Variants in ANKRD13C observed in about 807,000 individuals in gnomAD.
ANKRD13C encodes the protein ankyrin repeat domain-containing protein 13C.
ANKRD13C carries 16 observed loss-of-function variants against 65.5 expected under a neutral mutation model. That is an observed-to-expected ratio of 0.24 (90% confidence interval 0.17 to 0.37). The LOEUF is 0.37. ANKRD13C is among the 10% of genes least tolerant of loss of function. ANKRD13C has a pLI of 1.00. For missense variants in ANKRD13C, 503 were observed against 655.9 expected, an observed-to-expected ratio of 0.77 and a Z score of 2.55; for synonymous variants, 235 against 238.7, an observed-to-expected ratio of 0.98 and a Z score of 0.14.
chr1:70,330,574 C>CAAAAAAAAAAAAAAAAAAAAA (rs71071394), intron 2 of ANKRD13C, among the ~76,000 whole-genome samples: 21 of 68,368 alleles, frequency 3.1e-4, no homozygotes, highest in Admixed American at 1.1e-3. Flanking sequence ...ACAAACAAAC[C>CAAAAAAAAAAAAAAAAAAAAA]AAAAAAAAAA....
At chr1:70,313,527 C>CAA (rs375377368) in intron 5 of ANKRD13C, among the ~76,000 whole-genome samples, 11 of 69,096 alleles carry the variant, frequency 1.6e-4, no homozygotes, top group Admixed American at 4.4e-4. Context: ...GAACTTGTCT[C>CAA]AAAAAAAAAA....
At chr1:70,267,022 G>C (rs1678658213) in intron 12 of ANKRD13C, among the ~76,000 whole-genome samples, 1 of 152,170 alleles carries the variant, frequency 6.6e-6, no homozygotes, top group South Asian at 2.1e-4. Flanking sequence ...GTTGAGAGAA[G>C]GGTGTTGAGT....
At chr1:70,346,279 T>G (rs1682523067) in intron 1 of ANKRD13C, among the ~76,000 whole-genome samples, 1 of 152,164 alleles carries the variant, frequency 6.6e-6, no homozygotes, top group African/African-American at 2.4e-5. Flanking sequence ...TTTTACAGTT[T>G]CATCAAAAAC....
chr1:70,316,739 C>CA (rs1306895441), intron 3 of ANKRD13C, among the ~76,000 whole-genome samples: 1 of 151,692 alleles, frequency 6.6e-6, no homozygotes, highest in African/African-American at 2.4e-5. Context: ...AATTCACTGG[C>CA]AAAATCAATC....
At chr1:70,301,400 T>C (rs920391670) in intron 6 of ANKRD13C, among the ~76,000 whole-genome samples, 1 of 152,172 alleles carries the variant, frequency 6.6e-6, no homozygotes, top group Non-Finnish European at 1.5e-5. Flanking sequence ...TAAGACCAGG[T>C]TGCTAGCTCA....
chr1:70,348,401 G>A (rs1325968568), intron 1 of ANKRD13C, among the ~76,000 whole-genome samples: 1 of 152,062 alleles, frequency 6.6e-6, no homozygotes, highest in African/African-American at 2.4e-5. Flanking sequence ...GAGTAGCTAG[G>A]ATTACAGGTG....
intron 12 of ANKRD13C, among the ~76,000 whole-genome samples, chr1:70,264,508 T>G (rs1337580257): frequency 2.1e-5 from 3 of 142,018 alleles, no homozygotes; most frequent in African/African-American, 7.8e-5. Context: ...AAAAATTACA[T>G]GAAAGTCAAA....
intron 11 of ANKRD13C, among the ~76,000 whole-genome samples, chr1:70,271,713 A>G (rs911670486): frequency 6.6e-5 from 10 of 152,322 alleles, no homozygotes; most frequent in African/African-American, 2.2e-4. Flanking sequence ...TAGTTTGATC[A>G]GGATAATTTT....
chr1:70,340,420 G>A (rs1037565455), intron 1 of ANKRD13C, among the ~76,000 whole-genome samples: 3 of 151,968 alleles, frequency 2.0e-5, no homozygotes, highest in Admixed American at 6.6e-5. Flanking sequence ...AATTTCAATC[G>A]TCTGAAATGT....
chr1:70,341,785 A>T (rs573966446), intron 1 of ANKRD13C, among the ~76,000 whole-genome samples: 2 of 152,112 alleles, frequency 1.3e-5, no homozygotes, highest in East Asian at 3.9e-4. Context: ...GAAGGTATAC[A>T]TATTTTATTT....
chr1:70,315,473 T>C lies in ANKRD13C; in HGVS notation c.663+8A>G, dbSNP rs780841696. ...AAGGTGCAAAATTAACAAAGAAATA[T>C]AGCTTACCTCTTTCAGGGCTTTTAA... On this transcript the variant is annotated splice_region_variant and intron_variant, in intron 4 of 12. Coordinates refer to ENST00000370944, the MANE Select transcript of ANKRD13C (RefSeq NM_030816.5). 58 of 1,591,210 alleles carry C rather than the reference T, an allele frequency of 3.6e-5. No homozygotes were observed. In the South Asian group the frequency reaches 6.5e-4, roughly 18 times the overall value.
chr1:70,316,134 C>T (rs1169821075), intron 3 of ANKRD13C, among the ~76,000 whole-genome samples: 2 of 152,136 alleles, frequency 1.3e-5, no homozygotes, highest in Non-Finnish European at 2.9e-5. Flanking sequence ...TGTTCTTTTA[C>T]CACTGGAGGA....
chr1:70,323,382 T>G (rs1253564240), intron 3 of ANKRD13C, among the ~76,000 whole-genome samples: 2 of 152,130 alleles, frequency 1.3e-5, no homozygotes, highest in East Asian at 1.9e-4. Context: ...CGGTGGCTCA[T>G]GCCTGTAATC....
At chr1:70,337,026 C>T (rs930856008) in intron 1 of ANKRD13C, among the ~76,000 whole-genome samples, 5 of 152,068 alleles carry the variant, frequency 3.3e-5, no homozygotes, top group Admixed American at 6.6e-5. Context: ...AAAGTCATCA[C>T]ATTAACAATT....
chr1:70,271,373 C>T (rs746895160), intron 11 of ANKRD13C, among the ~76,000 whole-genome samples: 4 of 152,174 alleles, frequency 2.6e-5, no homozygotes, highest in Non-Finnish European at 5.9e-5. Context: ...GTCTTTCCTT[C>T]TGAACTACAA....
At chr1:70,313,503 C>G (rs891075627) in intron 5 of ANKRD13C, among the ~76,000 whole-genome samples, 10 of 148,422 alleles carry the variant, frequency 6.7e-5, no homozygotes, top group African/African-American at 2.5e-4. Context: ...GCACTCCAGC[C>G]TGGGCAACAG....
intron 9 of ANKRD13C, among the ~76,000 whole-genome samples, chr1:70,291,222 T>C (rs1679853533): frequency 6.6e-6 from 1 of 151,948 alleles, no homozygotes; most frequent in Admixed American, 6.6e-5. Flanking sequence ...GATTTCACCA[T>C]GTTGGCCAAG....
intron 2 of ANKRD13C, among the ~76,000 whole-genome samples, chr1:70,333,953 TA>T (rs1483914230): frequency 6.6e-6 from 1 of 152,122 alleles, no homozygotes; most frequent in African/African-American, 2.4e-5. Flanking sequence ...TAGTTAATCT[TA>T]CTTGTTAAGA....
intron 11 of ANKRD13C, among the ~76,000 whole-genome samples, chr1:70,273,297 A>G (rs1572027992): frequency 2.0e-5 from 3 of 152,284 alleles, no homozygotes; most frequent in Non-Finnish European, 4.4e-5. Flanking sequence ...AAATTAATGC[A>G]TTAGGCCAGA....
Sources: allele counts gnomAD v4.1 joint callset (sites outside exome capture counted in the v4.1 genomes callset), GRCh38; gene constraint gnomAD v4.1.1; transcripts MANE v1.5; gene names NCBI Gene and HGNC (gene_info 2026-07-23, HGNC 2026-07-21).